PPL: variants seen among roughly 807,000 people sequenced by gnomAD.
The protein encoded by PPL is 190 kDa paraneoplastic pemphigus antigen.
In PPL, 198 loss-of-function variants were observed where a neutral mutation model predicts 194.4. That is an observed-to-expected ratio of 1.02 (90% confidence interval 0.91 to 1.15). The LOEUF is 1.15. Among genes scored for constraint, PPL ranks in the 50% most tolerant of loss-of-function variants. The pLI is 0.00. For missense variants in PPL, 2,885 were observed against 2,294.8 expected (o/e 1.26, Z -5.25); for synonymous variants, 1,220 against 972.4 (o/e 1.25, Z -4.74).
chr16:4,917,320 T>G (rs935229921), intron 1 of PPL, among the ~76,000 whole-genome samples: 4 of 152,176 alleles, frequency 2.6e-5, no homozygotes, highest in African/African-American at 7.2e-5. Flanking sequence ...TCTCTATTAT[T>G]CGGCCAAAGA....
chr16:4,907,751 G>A (rs902137036), intron 2 of PPL, among the ~76,000 whole-genome samples: 6 of 152,092 alleles, frequency 3.9e-5, no homozygotes, highest in Non-Finnish European at 8.8e-5. Context: ...CAACAGAACT[G>A]GGAAATGAAA....
chr16:4,904,881 C>T (rs537052342), intron 2 of PPL, among the ~76,000 whole-genome samples: 8 of 152,088 alleles, frequency 5.3e-5, no homozygotes, highest in Admixed American at 2.0e-4. Flanking sequence ...GGAACAGAGC[C>T]GGGGGGATAT....
chr16:4,893,764 A>G (rs2088366128), intron 12 of PPL, 126 bp from the exon 13 acceptor site: 1 of 720,774 alleles, frequency 1.4e-6, no homozygotes, highest in Admixed American at 2.6e-5. Flanking sequence ...AGATGCGGAC[A>G]GCAAGTGCTC....
intron 1 of PPL, among the ~76,000 whole-genome samples, chr16:4,916,431 C>A (rs562756453): frequency 6.6e-6 from 1 of 151,952 alleles, no homozygotes; most frequent in African/African-American, 2.4e-5. Flanking sequence ...AGGCTGGTCT[C>A]GAACTCCTGA....
At chr16:4,899,782 T>C (rs917024050) in intron 6 of PPL, among the ~76,000 whole-genome samples, 1 of 152,192 alleles carries the variant, frequency 6.6e-6, no homozygotes, top group Admixed American at 6.5e-5. Flanking sequence ...TGGCATATAG[T>C]TGGTGCTCAA....
At position 4,902,943 on chromosome 16, in the gene PPL, C is replaced by T. The variant is rs1378330028; in HGVS notation, c.318-417G>A. ...ACCTCAGGTGATCCGTCCGCTTCGGCCTCCCGAAGTGCTGGGATCACAGGC... is the reference window on the plus strand; with the variant it reads ...ACCTCAGGTGATCCGTCCGCTTCGGTCTCCCGAAGTGCTGGGATCACAGGC... On this transcript the variant is annotated intron_variant, in intron 3 of 21. Coordinates refer to ENST00000345988, the MANE Select transcript of PPL (RefSeq NM_002705.5). This position sits in a 1 kb window ranked among gnomAD's most constrained non-coding sequence, Gnocchi z 4.0. Among the ~76,000 whole-genome samples, 4 of 152,206 alleles carry T rather than the reference C, an allele frequency of 2.6e-5. No individual in the cohort carries two copies. The highest frequency in any genetic ancestry group is 2.9e-5 in the Non-Finnish European group (2 of 68,022).
intron 2 of PPL, among the ~76,000 whole-genome samples, 162 bp from the exon 3 acceptor site, chr16:4,904,202 C>G (rs191948413): frequency 1.3e-5 from 2 of 152,388 alleles, no homozygotes; most frequent in East Asian, 3.9e-4. Flanking sequence ...GTAGTTCCAT[C>G]TCTTTGCTGC....
chr16:4,918,454 T>C (rs979856759), intron 1 of PPL, among the ~76,000 whole-genome samples: 2 of 152,174 alleles, frequency 1.3e-5, no homozygotes, highest in African/African-American at 2.4e-5. Context: ...GAGAGCTATT[T>C]GTCCTGCCCA....
At chr16:4,889,254 T>TG in intron 18 of PPL, among the ~76,000 whole-genome samples, 193 bp from the exon 19 acceptor site, 1 of 119,542 alleles carries the variant, frequency 8.4e-6, no homozygotes, top group African/African-American at 3.5e-5. Context: ...TTTTTTTTTT[T>TG]TTTTTTTTTT....
At chr16:4,899,527 G>T (rs28375268) in intron 6 of PPL, 143 bp from the exon 7 acceptor site, 480,602 of 802,704 alleles carry the variant, frequency 0.6, 147,820 homozygotes, top group East Asian at 0.66. Flanking sequence ...GCCCAGCTTA[G>T]CCACGTCCAG....
At chr16:4,920,333 AAGAGAG>A (rs1162923677) in intron 1 of PPL, among the ~76,000 whole-genome samples, 2 of 73,656 alleles carry the variant, frequency 2.7e-5, no homozygotes, top group African/African-American at 6.5e-5. Context: ...GAAAGAAAGA[AAGAGAG>A]AGAGAGAGAA....
At chr16:4,923,346 G>T (rs1004571664) in intron 1 of PPL, among the ~76,000 whole-genome samples, 8 of 152,192 alleles carry the variant, frequency 5.3e-5, no homozygotes, top group African/African-American at 1.9e-4. Context: ...GGGAGCACAG[G>T]TAAGTTTTAG....
At chr16:4,922,960 G>A (rs559888683) in intron 1 of PPL, among the ~76,000 whole-genome samples, 3 of 152,146 alleles carry the variant, frequency 2.0e-5, no homozygotes, top group Admixed American at 6.5e-5. Context: ...GAGATCCTGC[G>A]TCCCAGATGC....
At chr16:4,935,696 G>A (rs1460291352) in intron 1 of PPL, among the ~76,000 whole-genome samples, 2 of 152,208 alleles carry the variant, frequency 1.3e-5, no homozygotes, top group Admixed American at 6.5e-5. Flanking sequence ...GGAAGGCCCC[G>A]GAATGGAGTG....
intron 6 of PPL, among the ~76,000 whole-genome samples, chr16:4,899,908 T>A (rs1012597051): frequency 3.9e-5 from 6 of 152,132 alleles, no homozygotes; most frequent in Non-Finnish European, 8.8e-5. Context: ...AAAGGAGGGA[T>A]GTTTGCATTT....
intron 20 of PPL, 90 bp downstream of exon 20, chr16:4,888,012 T>G: frequency 1.1e-6 from 1 of 913,390 alleles, no homozygotes. Context: ...TGTGCATCTC[T>G]GAGGCCAGCG....
intron 19 of PPL, 120 bp from the exon 20 acceptor site, chr16:4,888,338 C>T: frequency 1.5e-6 from 1 of 686,986 alleles, no homozygotes; most frequent in Non-Finnish European, 2.6e-6. Flanking sequence ...GTTTTATAAT[C>T]TGCGTGGGTC....
intron 2 of PPL, among the ~76,000 whole-genome samples, chr16:4,908,189 A>G (rs1368709900): frequency 1.3e-5 from 2 of 150,458 alleles, no homozygotes; most frequent in African/African-American, 4.9e-5. Flanking sequence ...AAAGAAAGAA[A>G]GAAAGAAAAA....
At chr16:4,895,115 G>T in intron 11 of PPL, 146 bp downstream of exon 11, 1 of 1,070,834 alleles carries the variant, frequency 9.3e-7, no homozygotes, top group Non-Finnish European at 1.3e-6. Flanking sequence ...GTGCCAGTTG[G>T]CCTGCACCAG....
Sources: gnomAD v4.1 joint callset for allele counts (sites outside exome capture counted in the v4.1 genomes callset) on GRCh38, gnomAD v4.1.1 for gene constraint, Gnocchi (gnomAD v3.1) non-coding constraint, MANE v1.5 for transcripts, NCBI Gene and HGNC (gene_info 2026-07-23, HGNC 2026-07-21) for gene names.